The following PARP1 variants were observed in gnomAD, a reference collection of about 807,000 sequenced individuals.
PARP1 encodes poly(ADP-ribose) polymerase 1.
In PARP1, 44 loss-of-function variants were observed where a neutral mutation model predicts 118.7. The observed-to-expected ratio is 0.37, with a 90% CI of 0.29 to 0.48. PARP1 has a LOEUF of 0.48. PARP1 is among the 20% of genes least tolerant of loss of function. The pLI is 0.99. For missense variants in PARP1, 1,100 were observed against 1,272.4 expected (o/e 0.86, Z 2.06); for synonymous variants, 492 against 483.2 (o/e 1.02, Z -0.24).
chr1:226,397,565 G>C (rs1213063001), intron 2 of PARP1, among the ~76,000 whole-genome samples: 1 of 152,152 alleles, frequency 6.6e-6, no homozygotes, highest in Non-Finnish European at 1.5e-5. Flanking sequence ...GAGGTCACTG[G>C]ATCACCGGGA....
At chr1:226,395,435 G>A (rs1002395724) in intron 2 of PARP1, among the ~76,000 whole-genome samples, 4 of 152,194 alleles carry the variant, frequency 2.6e-5, no homozygotes, top group Middle Eastern at 3.4e-3. Context: ...AGTGGCTCAC[G>A]CCTGTAATCC....
At chr1:226,407,390 C>T (rs1665170245) in intron 1 of PARP1, among the ~76,000 whole-genome samples, 1 of 150,104 alleles carries the variant, frequency 6.7e-6, no homozygotes, top group East Asian at 1.9e-4. Context: ...AAAAAAAAAC[C>T]CACATGTCAG....
chr1:226,395,290 A>G (rs1157717973), intron 2 of PARP1, among the ~76,000 whole-genome samples: 2 of 152,236 alleles, frequency 1.3e-5, no homozygotes, highest in African/African-American at 4.8e-5. Flanking sequence ...ACAGCAGACA[A>G]GTGAAAGCAA....
rs1665007860 is a variant in PARP1, at chr1:226,400,309, C to CAAAAACAAAAACAACAACAA, written c.286+1885_286+1904dup. On this transcript the variant is annotated intron_variant, in intron 2 of 22. Transcript: ENST00000366794. ...GTGAGACTCCATCTCGAAAACAAAA[C>CAAAAACAAAAACAACAACAA]AAAAACAAAAACAACAACAAAAAAA... is the stretch of plus-strand genomic sequence containing the variant. Among the ~76,000 whole-genome samples, 19 of 151,964 alleles carry CAAAAACAAAAACAACAACAA rather than the reference C, an allele frequency of 1.3e-4. No individual in the cohort carries two copies. In the South Asian group the frequency reaches 3.7e-3, roughly 30 times the overall value.
intron 7 of PARP1, 136 bp downstream of exon 7, chr1:226,385,368 A>T: frequency 1.3e-6 from 1 of 754,850 alleles, no homozygotes; most frequent in South Asian, 1.5e-5. Context: ...ATATTCTGGT[A>T]AACAGGATGA....
intron 1 of PARP1, among the ~76,000 whole-genome samples, chr1:226,407,467 G>C (rs1246255397): frequency 6.6e-6 from 1 of 151,768 alleles, no homozygotes; most frequent in South Asian, 2.1e-4. Flanking sequence ...TTAGCTTAAA[G>C]AGACCATGTA....
chr1:226,361,640 G>T, intron 22 of PARP1, 99 bp from the exon 23 acceptor site: 1 of 890,902 alleles, frequency 1.1e-6, no homozygotes, highest in Non-Finnish European at 1.9e-6. Context: ...GTGCCAGCCT[G>T]AAAGTCACTC....
intron 14 of PARP1, 36 bp downstream of exon 14, chr1:226,374,190 C>A (rs370910411): frequency 7.4e-5 from 120 of 1,611,660 alleles, no homozygotes; most frequent in Non-Finnish European, 9.8e-5. Context: ...TCATCCACAG[C>A]AAATGCTCAC....
chr1:226,390,305 G>A, intron 4 of PARP1, 105 bp downstream of exon 4: 3 of 985,802 alleles, frequency 3.0e-6, no homozygotes, highest in South Asian at 2.6e-5. Context: ...CTTACTGACA[G>A]TCAGCGAAGG....
intron 17 of PARP1, 62 bp from the exon 18 acceptor site, chr1:226,366,114 T>A: frequency 8.8e-7 from 1 of 1,131,356 alleles, no homozygotes; most frequent in Non-Finnish European, 1.3e-6. Context: ...AGAGGAGGAA[T>A]GCTCAGGCTC....
intron 3 of PARP1, among the ~76,000 whole-genome samples, chr1:226,390,902 G>C (rs1664809676): frequency 1.3e-5 from 2 of 152,024 alleles, no homozygotes; most frequent in African/African-American, 4.8e-5. Context: ...TTCCCCTTAA[G>C]ATGTTTCTGC....
In PARP1 at chr1:226,365,170, A is replaced by C. The variant is rs759195152; in HGVS notation, c.2506-16T>G. The C allele has an allele frequency of 1.1e-5, 18 of 1,614,040 alleles. 1 individual carries two copies. The South Asian group carries it at 2.0e-4, about 18-fold the overall frequency. On this transcript the variant is annotated splice_polypyrimidine_tract_variant and intron_variant, in intron 18 of 22. Transcript: ENST00000366794. ...TCTTAAAGATCTGGTTGGAGTAGTAAACAAAGGGAAGGACAAAAGAAGCCA... is the reference window on the plus strand; with the variant it reads ...TCTTAAAGATCTGGTTGGAGTAGTACACAAAGGGAAGGACAAAAGAAGCCA...
At chr1:226,387,183 A>G (rs1171448608) in intron 5 of PARP1, among the ~76,000 whole-genome samples, 2 of 152,156 alleles carry the variant, frequency 1.3e-5, no homozygotes, top group Non-Finnish European at 1.5e-5. Context: ...GTGTTTCACC[A>G]TGTTGGCCAG....
intron 2 of PARP1, among the ~76,000 whole-genome samples, chr1:226,401,437 G>A (rs1665035371): frequency 6.6e-6 from 1 of 152,234 alleles, no homozygotes; most frequent in Non-Finnish European, 1.5e-5. Context: ...AAATTAAGGG[G>A]CAGACTATGC....
chr1:226,408,011 C>T lies in PARP1; in HGVS notation c.-82G>A. The T allele has an allele frequency of 1.3e-6, 2 of 1,586,778 alleles. No individual in the cohort carries two copies. Among genetic ancestry groups the T allele is most frequent in the Non-Finnish European group, 1.7e-6 (2 of 1,167,878 alleles). On this transcript the variant is annotated 5_prime_UTR_variant, in exon 1 of 23. Transcript: ENST00000366794. ...CTGCCGCCTCGCCGCCTCGCGTGCG[C>T]TCACCCAGCCGCAGGCGCCTGAGCG...
At chr1:226,385,432 G>A in intron 7 of PARP1, 72 bp downstream of exon 7, 1 of 1,325,932 alleles carries the variant, frequency 7.5e-7, no homozygotes. Flanking sequence ...GGGACCTGAA[G>A]TATAAACAAG....
At chr1:226,385,272 G>A (rs929897405) in intron 7 of PARP1, among the ~76,000 whole-genome samples, 19 of 152,222 alleles carry the variant, frequency 1.2e-4, no homozygotes, top group Admixed American at 2.6e-4. Flanking sequence ...GTCTTTGCAA[G>A]CAACATTTTA....
chr1:226,367,373 C>G (rs1252121171), intron 17 of PARP1, 107 bp downstream of exon 17: 4 of 1,347,280 alleles, frequency 3.0e-6, no homozygotes, highest in East Asian at 4.6e-5. Context: ...CGCCAGCCAC[C>G]TGTGTTTTAA....
chr1:226,384,346 G>A (rs1664678547), intron 7 of PARP1, among the ~76,000 whole-genome samples: 1 of 152,278 alleles, frequency 6.6e-6, no homozygotes, highest in African/African-American at 2.4e-5. Context: ...AGAGGGCTCT[G>A]AGGACAAGCT....
Sources: gnomAD v4.1 joint callset for allele counts (sites outside exome capture counted in the v4.1 genomes callset) on GRCh38, gnomAD v4.1.1 for gene constraint, MANE v1.5 for transcripts, NCBI Gene and HGNC (gene_info 2026-07-23, HGNC 2026-07-21) for gene names.